The following KIAA2012 variants were observed in gnomAD, a reference collection of about 807,000 sequenced individuals.
KIAA2012 encodes KIAA2012.
A neutral mutation model predicts 150.6 loss-of-function variants in KIAA2012; 125 were observed. That is an observed-to-expected ratio of 0.83 (90% CI 0.72 to 0.96). KIAA2012 has a LOEUF of 0.96. KIAA2012 is among the 40% of genes least tolerant of loss of function. The pLI is 0.00. For missense variants in KIAA2012, 1,219 were observed against 1,354.9 expected (o/e 0.90, Z 1.57); for synonymous variants, 462 against 504.7 (o/e 0.92, Z 1.13).
intron 10 of KIAA2012, among the ~76,000 whole-genome samples, chr2:202,112,062 A>G (rs183022713): frequency 1.3e-5 from 2 of 152,288 alleles, no homozygotes; most frequent in Admixed American, 6.5e-5. Flanking sequence ...TCTGAATGAT[A>G]GTAGTATCTT....
chr2:202,119,851 C>T (rs1690616821), intron 11 of KIAA2012, among the ~76,000 whole-genome samples: 1 of 152,226 alleles, frequency 6.6e-6, no homozygotes, highest in Non-Finnish European at 1.5e-5. Context: ...CAAATTTCAT[C>T]TTGAATTGTA....
In KIAA2012 at chr2:202,193,306, C is replaced by T. The variant is rs1288131094; in HGVS notation, c.2817C>T (p.Leu939=). ...ERRCEDPSKA[L]LTKREQEKAS... ...AGAACACTCTGGTTTCTTAGGCCCTCCTCACTAAGAGGGAGCAGGAGAAGG... is the reference window on the plus strand; with the variant it reads ...AGAACACTCTGGTTTCTTAGGCCCTTCTCACTAAGAGGGAGCAGGAGAAGG... Residue 939 remains leucine, a synonymous_variant, in exon 20 of 24, where the codon CTC becomes CTT. Coordinates refer to ENST00000498697, the MANE Select transcript of KIAA2012 (RefSeq NM_001277372.4). The T allele has an allele frequency of 6.5e-7, 1 of 1,549,204 alleles. No homozygotes were observed. Among genetic ancestry groups the T allele is most frequent in the Non-Finnish European group, 8.7e-7 (1 of 1,146,806 alleles).
chr2:202,129,450 C>A (rs1173021328), intron 12 of KIAA2012, among the ~76,000 whole-genome samples: 1 of 152,082 alleles, frequency 6.6e-6, no homozygotes, highest in Non-Finnish European at 1.5e-5. Context: ...GAACTCCTGA[C>A]CTCAGGTGAT....
chr2:202,085,375 A>G (rs6708538), intron 2 of KIAA2012, among the ~76,000 whole-genome samples: 122,473 of 152,050 alleles, frequency 0.81, 49,515 homozygotes, highest in Admixed American at 0.82. Context: ...ATCCAGGTGG[A>G]CCCAAGGTAA....
intron 12 of KIAA2012, among the ~76,000 whole-genome samples, chr2:202,132,760 A>AG (rs1690976433): frequency 8.5e-6 from 1 of 117,226 alleles, no homozygotes; most frequent in Non-Finnish European, 1.8e-5. Flanking sequence ...ATATATGTAT[A>AG]TATATACATA....
intron 14 of KIAA2012, among the ~76,000 whole-genome samples, chr2:202,155,855 G>C (rs749914286): frequency 1.3e-5 from 2 of 152,112 alleles, no homozygotes; most frequent in Non-Finnish European, 2.9e-5. Flanking sequence ...TCTGCTTTTC[G>C]GGGCTTCCTC....
At chr2:202,141,424 GAAAAGAGAGCAATGAA>G (rs1691194967) in intron 13 of KIAA2012, among the ~76,000 whole-genome samples, 1 of 152,092 alleles carries the variant, frequency 6.6e-6, no homozygotes, top group Non-Finnish European at 1.5e-5. Flanking sequence ...ATGTGGAGAT[GAAAAGAGAGCAATGAA>G]AAAAGAAAAA....
intron 13 of KIAA2012, among the ~76,000 whole-genome samples, chr2:202,149,882 G>A (rs1473055862): frequency 1.3e-5 from 2 of 152,164 alleles, no homozygotes; most frequent in African/African-American, 4.8e-5. Flanking sequence ...CTGGGGAGAA[G>A]GATTTCTCCC....
At chr2:202,166,285 A>G (rs1691760296) in intron 15 of KIAA2012, among the ~76,000 whole-genome samples, 1 of 152,228 alleles carries the variant, frequency 6.6e-6, no homozygotes, top group Non-Finnish European at 1.5e-5. Context: ...ATAAACACTA[A>G]TGTTCAGAAA....
At chr2:202,100,879 A>G (rs1690024437) in intron 7 of KIAA2012, among the ~76,000 whole-genome samples, 1 of 152,162 alleles carries the variant, frequency 6.6e-6, no homozygotes, top group Non-Finnish European at 1.5e-5. Flanking sequence ...AATGCAGGGG[A>G]AATTTTGCAA....
chr2:202,129,909 G>A (rs1437638887), intron 12 of KIAA2012, among the ~76,000 whole-genome samples: 1 of 152,226 alleles, frequency 6.6e-6, no homozygotes, highest in Non-Finnish European at 1.5e-5. Flanking sequence ...CTGGGAGACA[G>A]AGACTATTAC....
At position 202,154,683 on chromosome 2, in the gene KIAA2012, A is replaced by G; in HGVS notation, c.1919A>G (p.Gln640Arg). 1 of 1,545,038 alleles carries G rather than the reference A, an allele frequency of 6.5e-7. No homozygotes were observed. Among genetic ancestry groups the G allele is most frequent in the South Asian group, 1.2e-5 (1 of 82,962 alleles). ...TQTTEKQGAQ[Q>R]SLEAAAQKTG... ...TGCTTCTCTTCACAGGGAGCCCAGC[A>G]GTCCTTGGAGGCAGCAGCTCAGAAG... The change falls in exon 14 of 24, where the codon CAG (glutamine) becomes CGG (arginine). Residue 640 changes from glutamine (Q) to arginine (R), a missense_variant. Transcript: ENST00000498697.
At chr2:202,147,504 G>A (rs1351203984) in intron 13 of KIAA2012, among the ~76,000 whole-genome samples, 2 of 152,156 alleles carry the variant, frequency 1.3e-5, no homozygotes, top group African/African-American at 4.8e-5. Flanking sequence ...AAAGTGTGGA[G>A]GGCCAGGAAA....
Position 202,123,277 on chromosome 2 carries a change from T to A in KIAA2012, c.1763-1937T>A, listed in dbSNP as rs192793280. On this transcript the variant is annotated intron_variant, in intron 11 of 23. Transcript: ENST00000498697. The stretch of plus-strand genomic sequence containing the variant: ...TTTCGTGACTGTTTTTTAGCCTCCT[T>A]TTCCCTTTCAACCACCCACCACTCA... Among the ~76,000 whole-genome samples, 255 of 152,308 alleles carry A rather than the reference T, an allele frequency of 1.7e-3. 2 individuals carry two copies. The highest frequency in any genetic ancestry group is 5.8e-3 in the African/African-American group (243 of 41,566).
chr2:202,111,340 C>CAAAA (rs67625607), intron 10 of KIAA2012, among the ~76,000 whole-genome samples: 3 of 83,852 alleles, frequency 3.6e-5, no homozygotes, highest in African/African-American at 1.0e-4. Context: ...ACTAAAAATA[C>CAAAA]AAAAAAAAAA....
chr2:202,104,201 T>G lies in KIAA2012; in HGVS notation c.1324+1087T>G, dbSNP rs981212182. On this transcript the variant is annotated intron_variant, in intron 8 of 23. Transcript: ENST00000498697. The surrounding 1 kb of genome is among the most constrained non-coding windows in gnomAD (Gnocchi z 4.3). Reference sequence around the variant, plus strand: ...GTATGGATTATAGATTTGTCAAAACTCATTGAACTGTGCACTTAAGATCTG... The same window carrying G: ...GTATGGATTATAGATTTGTCAAAACGCATTGAACTGTGCACTTAAGATCTG... Among the ~76,000 whole-genome samples the G allele has an allele frequency of 1.3e-5, 2 of 152,166 alleles. No homozygotes were observed. Among genetic ancestry groups the G allele is most frequent in the Non-Finnish European group, 2.9e-5 (2 of 68,034 alleles).
intron 11 of KIAA2012, among the ~76,000 whole-genome samples, chr2:202,122,860 G>A (rs1379223451): frequency 1.3e-5 from 2 of 152,106 alleles, no homozygotes; most frequent in Non-Finnish European, 2.9e-5. Flanking sequence ...CGGAAAGGGG[G>A]GCATGTGTGT....
At chr2:202,188,026 T>C in intron 17 of KIAA2012, 126 bp from the exon 18 acceptor site, 1 of 719,944 alleles carries the variant, frequency 1.4e-6, no homozygotes. Context: ...CTCTTCTGCT[T>C]TACCTGGAAC....
At chr2:202,197,995 G>A (rs1248033068) in intron 22 of KIAA2012, 5 of 151,546 alleles carry the variant, frequency 3.3e-5, no homozygotes, top group Admixed American at 1.3e-4. Flanking sequence ...TCAACATGGT[G>A]AAACCTCATC....
Sources: gnomAD v4.1 joint callset for allele counts (sites outside exome capture counted in the v4.1 genomes callset) on GRCh38, gnomAD v4.1.1 for gene constraint, Gnocchi (gnomAD v3.1) non-coding constraint, MANE v1.5 for transcripts, NCBI Gene and HGNC (gene_info 2026-07-23, HGNC 2026-07-21) for gene names.